Variants in ST8SIA6 observed in about 807,000 individuals in gnomAD.
ST8SIA6 encodes the protein alpha-2,8-sialyltransferase 8F.
A neutral mutation model predicts 33.6 loss-of-function variants in ST8SIA6; 39 were observed. The ratio of observed to expected loss-of-function variants is 1.16; its 90% CI spans 0.90 to 1.52. The LOEUF (loss-of-function observed/expected upper bound fraction) is 1.52, where lower values mean the gene tolerates loss of function less well. ST8SIA6 is among the 40% of genes most tolerant of loss of function. ST8SIA6 has a pLI of 0.00. For missense variants in ST8SIA6, 441 were observed against 443.8 expected, an observed-to-expected ratio of 0.99 and a Z score of 0.06; for synonymous variants, 172 against 167.2, an observed-to-expected ratio of 1.03 and a Z score of -0.22.
intron 2 of ST8SIA6, among the ~76,000 whole-genome samples, chr10:17,400,874 C>T (rs1350643829): frequency 6.6e-6 from 1 of 152,170 alleles, no homozygotes; most frequent in African/African-American, 2.4e-5. Context: ...TGGCATGAGA[C>T]AGGGATGCCC....
intron 3 of ST8SIA6, among the ~76,000 whole-genome samples, chr10:17,386,155 T>G (rs1403823047): frequency 6.7e-6 from 1 of 149,626 alleles, no homozygotes; most frequent in East Asian, 2.0e-4. Flanking sequence ...CACTCCAGTC[T>G]CGGCGACGGA....
intron 4 of ST8SIA6, among the ~76,000 whole-genome samples, chr10:17,348,034 A>G (rs530025845): frequency 3.3e-5 from 5 of 152,052 alleles, no homozygotes; most frequent in African/African-American, 1.2e-4. Flanking sequence ...ATACAAAATC[A>G]ACAGTTAAGA....
At chr10:17,447,206 T>C (rs1021548899) in intron 2 of ST8SIA6, among the ~76,000 whole-genome samples, 7 of 151,756 alleles carry the variant, frequency 4.6e-5, no homozygotes, top group Non-Finnish European at 1.0e-4. Context: ...TTGGCCAACA[T>C]AGTGAAACCC....
At chr10:17,403,141 G>A (rs1179491270) in intron 2 of ST8SIA6, among the ~76,000 whole-genome samples, 1 of 152,184 alleles carries the variant, frequency 6.6e-6, no homozygotes, top group Non-Finnish European at 1.5e-5. Context: ...CAGGGAAACA[G>A]ATGGACCTGG....
intron 4 of ST8SIA6, among the ~76,000 whole-genome samples, chr10:17,354,504 C>A (rs1439786168): frequency 6.6e-6 from 1 of 152,156 alleles, no homozygotes; most frequent in Admixed American, 6.6e-5. Flanking sequence ...TACTGCTACA[C>A]CTAAAAGAAA....
At chr10:17,389,139 C>T (rs1850486886) in intron 3 of ST8SIA6, among the ~76,000 whole-genome samples, 1 of 152,136 alleles carries the variant, frequency 6.6e-6, no homozygotes, top group South Asian at 2.1e-4. Context: ...CCAGCCTGAC[C>T]ATCAGCACTC....
chr10:17,447,163 G>T (rs145942350), intron 2 of ST8SIA6, among the ~76,000 whole-genome samples: 17 of 152,212 alleles, frequency 1.1e-4, no homozygotes, highest in African/African-American at 3.9e-4. Context: ...GGCCGAGGGG[G>T]CTGGATCACG....
intron 2 of ST8SIA6, among the ~76,000 whole-genome samples, chr10:17,436,891 C>G (rs1420823680): frequency 6.6e-6 from 1 of 152,054 alleles, no homozygotes; most frequent in Non-Finnish European, 1.5e-5. Flanking sequence ...GTGAGATATG[C>G]CTTTTACCTT....
At chr10:17,413,269 T>TC (rs1374439204) in intron 2 of ST8SIA6, 1 of 151,798 alleles carries the variant, frequency 6.6e-6, no homozygotes, top group African/African-American at 2.4e-5. Context: ...CTTCTCCTCT[T>TC]CTTTTTTTTT....
chr10:17,385,804 A>G (rs899062386), intron 3 of ST8SIA6, among the ~76,000 whole-genome samples: 11 of 152,104 alleles, frequency 7.2e-5, no homozygotes, highest in African/African-American at 2.7e-4. Context: ...TGCCCCAGCT[A>G]CTTAGGGGAA....
chr10:17,411,318 A>C (rs1292173517), intron 2 of ST8SIA6, among the ~76,000 whole-genome samples: 1 of 151,896 alleles, frequency 6.6e-6, no homozygotes, highest in Non-Finnish European at 1.5e-5. Context: ...CTAGTAGCTG[A>C]GATTATAGGT....
rs1158685060 is a variant in ST8SIA6, at chr10:17,439,802, A to G, written c.200+13757T>C. Among the ~76,000 whole-genome samples, 3 of 152,234 alleles carry G rather than the reference A, an allele frequency of 2.0e-5. No individual in the cohort carries two copies. In the East Asian group the frequency reaches 5.8e-4, roughly 29 times the overall value. ...CATGTGAAGAAGAGGAATCACTACA[A>G]GGCATGCTGAGGCTATCTCCCAGGA... On this transcript the variant is annotated intron_variant, in intron 2 of 7. Coordinates refer to ENST00000377602, the MANE Select transcript of ST8SIA6 (RefSeq NM_001004470.3).
chr10:17,395,518 T>C (rs1850774076), intron 2 of ST8SIA6, among the ~76,000 whole-genome samples: 1 of 152,158 alleles, frequency 6.6e-6, no homozygotes, highest in African/African-American at 2.4e-5. Flanking sequence ...AAAGTATGAA[T>C]TCTGTTTCTG....
intron 6 of ST8SIA6, among the ~76,000 whole-genome samples, chr10:17,323,942 C>G (rs925944182): frequency 6.6e-6 from 1 of 152,054 alleles, no homozygotes; most frequent in Non-Finnish European, 1.5e-5. Flanking sequence ...CAAATCAAAA[C>G]CTCCCAATTC....
chr10:17,378,865 A>T (rs137955020), intron 3 of ST8SIA6, among the ~76,000 whole-genome samples: 1 of 152,112 alleles, frequency 6.6e-6, no homozygotes, highest in African/African-American at 2.4e-5. Context: ...GGTGGCTCAC[A>T]CCTGTAATCC....
Position 17,395,766 on chromosome 10 carries a change from C to T in ST8SIA6, c.201-5146G>A, listed in dbSNP as rs112118083. Among the ~76,000 whole-genome samples, 1,110 of 152,062 alleles carry T rather than the reference C, an allele frequency of 7.3e-3. 13 individuals are homozygous for T. The highest frequency in any genetic ancestry group is 0.025 in the African/African-American group (1,051 of 41,454). The stretch of plus-strand genomic sequence containing the variant: ...GGTGTGGTGGCACGTGCCTGTAATC[C>T]CAGCTACTTAGGAGGCTGAGGCAGG... On this transcript the variant is annotated intron_variant, in intron 2 of 7. Coordinates refer to ENST00000377602, the MANE Select transcript of ST8SIA6 (RefSeq NM_001004470.3).
At chr10:17,384,794 G>GT (rs1176864826) in intron 3 of ST8SIA6, among the ~76,000 whole-genome samples, 2 of 152,268 alleles carry the variant, frequency 1.3e-5, no homozygotes, top group East Asian at 3.9e-4. Context: ...ACTTACTAAT[G>GT]TATGGACTTC....
At chr10:17,384,465 A>G (rs1189796725) in intron 3 of ST8SIA6, among the ~76,000 whole-genome samples, 1 of 152,200 alleles carries the variant, frequency 6.6e-6, no homozygotes, top group Non-Finnish European at 1.5e-5. Context: ...TGCTACCATG[A>G]TTTGTCTTTA....
intron 2 of ST8SIA6, among the ~76,000 whole-genome samples, chr10:17,444,995 A>G (rs1852652883): frequency 6.6e-6 from 1 of 152,234 alleles, no homozygotes; most frequent in Admixed American, 6.5e-5. Flanking sequence ...TCAAAAAGCA[A>G]AGACACAACA....
Sources: gnomAD v4.1 joint callset for allele counts (sites outside exome capture counted in the v4.1 genomes callset) on GRCh38, gnomAD v4.1.1 for gene constraint, MANE v1.5 for transcripts, NCBI Gene and HGNC (gene_info 2026-07-23, HGNC 2026-07-21) for gene names.